THNSL1: variants seen among roughly 807,000 people sequenced by gnomAD.
THNSL1 encodes the protein threonine synthase like 1.
Under a neutral mutation model 50.4 loss-of-function variants are expected in THNSL1, and 48 were observed. The observed-to-expected ratio is 0.95, with a 90% CI of 0.76 to 1.21. THNSL1 has a LOEUF of 1.21. THNSL1 is among the 50% of genes most tolerant of loss of function. THNSL1 has a pLI of 0.00. For synonymous variants in THNSL1, 309 were observed against 306.1 expected (o/e 1.01, Z -0.10); for missense variants, 896 against 871.7 (o/e 1.03, Z -0.35).
chr10:25,008,669 C>A, the THNSL1 span, among the ~76,000 whole-genome samples: 68,705 of 151,978 alleles, frequency 0.45, 16,736 homozygotes, highest in African/African-American at 0.65. Context: ...GTGGGACTGT[C>A]AACTAGTTCA....
At chr10:24,972,338 T>A in the THNSL1 span, among the ~76,000 whole-genome samples, 118 of 151,288 alleles carry the variant, frequency 7.8e-4, 1 homozygote, top group East Asian at 0.018. Context: ...TGAAACACCA[T>A]CTCTACTAAA....
the THNSL1 span, among the ~76,000 whole-genome samples, chr10:24,959,594 T>G: frequency 9.8e-5 from 15 of 152,316 alleles, no homozygotes; most frequent in Non-Finnish European, 4.4e-5. Flanking sequence ...TTGTAGGTCT[T>G]CTAGGAGTCT....
chr10:24,992,382 G>A, the THNSL1 span, among the ~76,000 whole-genome samples: 1 of 152,150 alleles, frequency 6.6e-6, no homozygotes, highest in Admixed American at 6.5e-5. Flanking sequence ...GCAGCAGTTG[G>A]GAGGTATGGT....
chr10:24,953,864 T>C, the THNSL1 span, among the ~76,000 whole-genome samples: 2 of 152,328 alleles, frequency 1.3e-5, no homozygotes, highest in African/African-American at 4.8e-5. Flanking sequence ...GGCGCCCTGG[T>C]CCTGCTCAGC....
the THNSL1 span, among the ~76,000 whole-genome samples, chr10:24,967,975 T>G: frequency 3.4e-5 from 5 of 146,130 alleles, no homozygotes; most frequent in Non-Finnish European, 7.4e-5. Flanking sequence ...ATGTATGATG[T>G]GTGTGTATAT....
intron 1 of THNSL1, among the ~76,000 whole-genome samples, chr10:25,017,906 G>T (rs374005485): frequency 6.6e-6 from 1 of 152,070 alleles, no homozygotes; most frequent in East Asian, 1.9e-4. Flanking sequence ...GAATGATAAC[G>T]CCATTAGCCA....
intron 1 of THNSL1, among the ~76,000 whole-genome samples, chr10:25,018,918 G>A (rs1055932626): frequency 1.3e-5 from 2 of 152,150 alleles, no homozygotes; most frequent in African/African-American, 4.8e-5. Context: ...AAGACTAAGT[G>A]ATGAACTTGC....
the THNSL1 span, among the ~76,000 whole-genome samples, chr10:24,954,391 C>T: frequency 1.3e-5 from 2 of 151,958 alleles, no homozygotes; most frequent in Non-Finnish European, 2.9e-5. Flanking sequence ...CAAAACTTAG[C>T]CATGAGGCTC....
the THNSL1 span, among the ~76,000 whole-genome samples, chr10:24,991,498 G>T: frequency 2.0e-5 from 3 of 151,794 alleles, no homozygotes; most frequent in Admixed American, 6.6e-5. Context: ...GTTGACAGGG[G>T]CGTGCCAACA....
At chr10:25,010,793 C>A in the THNSL1 span, among the ~76,000 whole-genome samples, 1 of 146,776 alleles carries the variant, frequency 6.8e-6, no homozygotes, top group Non-Finnish European at 1.5e-5. Flanking sequence ...TTTATGGCTG[C>A]ATAGTATTCC....
chr10:24,989,360 G>A, the THNSL1 span, among the ~76,000 whole-genome samples: 2 of 152,154 alleles, frequency 1.3e-5, no homozygotes, highest in Admixed American at 6.5e-5. Context: ...GGATGCTGCT[G>A]TCAGCAAAGA....
chr10:24,958,718 A>T, the THNSL1 span, among the ~76,000 whole-genome samples: 2 of 152,222 alleles, frequency 1.3e-5, no homozygotes, highest in Non-Finnish European at 2.9e-5. Flanking sequence ...TTAGTAATTC[A>T]CCTTCCACTG....
At chr10:25,017,731 GGATCTGTA>G (rs1458498664) in intron 1 of THNSL1, among the ~76,000 whole-genome samples, 2 of 150,884 alleles carry the variant, frequency 1.3e-5, no homozygotes, top group East Asian at 3.9e-4. Flanking sequence ...TTAGATAGAT[GGATCTGTA>G]GATCTATATT....
chr10:24,996,467 T>C, the THNSL1 span, among the ~76,000 whole-genome samples: 1 of 152,044 alleles, frequency 6.6e-6, no homozygotes, highest in Non-Finnish European at 1.5e-5. Context: ...TATATATATA[T>C]ATATGAACAG....
At chr10:24,990,090 G>C in the THNSL1 span, among the ~76,000 whole-genome samples, 1 of 152,120 alleles carries the variant, frequency 6.6e-6, no homozygotes, top group African/African-American at 2.4e-5. Flanking sequence ...GCTCCATCTA[G>C]TGAAAAATAT....
chr10:25,003,741 C>T, the THNSL1 span, among the ~76,000 whole-genome samples: 8 of 152,008 alleles, frequency 5.3e-5, no homozygotes, highest in Non-Finnish European at 1.2e-4. Flanking sequence ...ACATGCATTA[C>T]GGGGGTTTGT....
Position 25,024,270 on chromosome 10 carries a change from A to G in THNSL1, c.1047A>G (p.Ser349=). 1 of 1,614,226 alleles carries G rather than the reference A, an allele frequency of 6.2e-7. No individual in the cohort carries two copies. The highest frequency in any genetic ancestry group is 1.3e-5 in the African/African-American group (1 of 75,060). The change falls in exon 3 of 3, where the codon TCA becomes TCG. Residue 349 remains serine (S), a synonymous_variant. Coordinates refer to ENST00000376356, the MANE Select transcript of THNSL1 (RefSeq NM_024838.5). The part of the protein sequence containing the change: ...ILELFHGPTG[S]FKDLSLQLMP... ...AGTTGTTTCATGGACCAACAGGATCATTTAAAGATTTGTCTTTACAGCTTA... is the reference window on the plus strand; with the variant it reads ...AGTTGTTTCATGGACCAACAGGATCGTTTAAAGATTTGTCTTTACAGCTTA...
At chr10:24,996,456 G>GTATATA in the THNSL1 span, among the ~76,000 whole-genome samples, 114 of 149,804 alleles carry the variant, frequency 7.6e-4, no homozygotes, top group African/African-American at 2.7e-3. Context: ...GTGTGTGTGT[G>GTATATA]TATATATATA....
the THNSL1 span, among the ~76,000 whole-genome samples, chr10:24,973,446 C>A: frequency 2.6e-5 from 4 of 152,144 alleles, no homozygotes; most frequent in Non-Finnish European, 5.9e-5. Flanking sequence ...CTCAAAACAG[C>A]ATGCAGTTTA....
Sources: allele counts gnomAD v4.1 joint callset (sites outside exome capture counted in the v4.1 genomes callset), GRCh38; gene constraint gnomAD v4.1.1; transcripts MANE v1.5; gene names NCBI Gene and HGNC (gene_info 2026-07-23, HGNC 2026-07-21).